The following HERC3 variants were observed in gnomAD, a reference collection of about 807,000 sequenced individuals.
The protein encoded by HERC3 is probable E3 ubiquitin-protein ligase HERC3.
HERC3 carries 58 observed loss-of-function variants against 129.9 expected under a neutral mutation model. The observed-to-expected ratio is 0.45, with a 90% confidence interval of 0.36 to 0.56. HERC3 has a LOEUF of 0.56. Among genes scored for constraint, HERC3 ranks in the 20% least tolerant of loss-of-function variants. The pLI is 0.00. For missense variants in HERC3, 835 were observed against 1,244.2 expected (o/e 0.67, Z 4.95); for synonymous variants, 430 against 451.0 (o/e 0.95, Z 0.59).
the HERC3 span, among the ~76,000 whole-genome samples, chr4:88,584,865 T>G: frequency 1.4e-4 from 22 of 152,330 alleles, no homozygotes; most frequent in South Asian, 2.9e-3. Flanking sequence ...TGTTATCCAG[T>G]TAATTCAAGA....
At chr4:88,544,065 C>T in the HERC3 span, among the ~76,000 whole-genome samples, 1 of 152,182 alleles carries the variant, frequency 6.6e-6, no homozygotes, top group Admixed American at 6.5e-5. Context: ...CCAAAATAGA[C>T]AAATGGGATC....
the HERC3 span, among the ~76,000 whole-genome samples, chr4:88,557,752 T>G: frequency 6.6e-6 from 1 of 152,130 alleles, no homozygotes; most frequent in Non-Finnish European, 1.5e-5. Context: ...AGTATGGAGA[T>G]TTCTTAAAGA....
intron 3 of HERC3, among the ~76,000 whole-genome samples, chr4:88,627,999 A>G (rs1212863770): frequency 2.0e-5 from 3 of 152,000 alleles, no homozygotes; most frequent in African/African-American, 7.3e-5. Context: ...TGCATCAACG[A>G]TCAAAAAGAA....
At chr4:88,699,234 C>T (rs374627104) in intron 23 of HERC3, among the ~76,000 whole-genome samples, 1 of 90,718 alleles carries the variant, frequency 1.1e-5, no homozygotes, top group Non-Finnish European at 2.2e-5. Context: ...CTCTTCTTCC[C>T]CACCCCCTAG....
the HERC3 span, chr4:88,524,796 A>T: frequency 6.6e-6 from 1 of 152,092 alleles, no homozygotes; most frequent in Non-Finnish European, 1.5e-5. Context: ...AAAGATTCTC[A>T]TTAGTCATCC....
At chr4:88,635,008 G>A (rs1302278194) in intron 3 of HERC3, among the ~76,000 whole-genome samples, 3 of 152,056 alleles carry the variant, frequency 2.0e-5, no homozygotes, top group East Asian at 1.9e-4. Flanking sequence ...GGGTTAGCAG[G>A]CTCAAAGATC....
the HERC3 span, among the ~76,000 whole-genome samples, chr4:88,554,387 T>C: frequency 2.7e-5 from 4 of 150,554 alleles, no homozygotes; most frequent in African/African-American, 7.3e-5. Context: ...ATACCAATTA[T>C]AGATTAAGTG....
the HERC3 span, among the ~76,000 whole-genome samples, chr4:88,528,434 A>G: frequency 6.6e-6 from 1 of 152,134 alleles, no homozygotes; most frequent in African/African-American, 2.4e-5. Context: ...ATTTTTTTAG[A>G]CATGAAAGGC....
the HERC3 span, among the ~76,000 whole-genome samples, chr4:88,525,913 C>T: frequency 0.024 from 3,632 of 152,262 alleles, 111 homozygotes; most frequent in African/African-American, 0.075. Flanking sequence ...ACTGACCTTT[C>T]GTGTCACATA....
chr4:88,531,176 A>T, the HERC3 span, among the ~76,000 whole-genome samples: 8 of 151,822 alleles, frequency 5.3e-5, 1 homozygote, highest in East Asian at 3.9e-4. Context: ...ATTTTTAAAA[A>T]TTTTTTAAAT....
intron 19 of HERC3, among the ~76,000 whole-genome samples, chr4:88,678,808 A>G (rs1732439866): frequency 1.3e-5 from 2 of 152,186 alleles, no homozygotes; most frequent in African/African-American, 4.8e-5. Context: ...GATCATCTCC[A>G]TAATATTTTT....
intron 1 of HERC3, among the ~76,000 whole-genome samples, 194 bp from the exon 2 acceptor site, chr4:88,595,363 A>C (rs1722249948): frequency 1.3e-5 from 2 of 152,098 alleles, no homozygotes; most frequent in African/African-American, 4.8e-5. Flanking sequence ...TGTCTTTATA[A>C]CTGGTTAGAG....
Position 88,650,007 on chromosome 4 carries a change from G to C in HERC3, c.386+8G>C. 6.2e-7 allele frequency: 1 copy of C among 1,604,444 alleles called. No individual in the cohort carries two copies. Among genetic ancestry groups the C allele is most frequent in the Non-Finnish European group, 8.5e-7 (1 of 1,173,590 alleles). On this transcript the variant is annotated splice_region_variant and intron_variant, in intron 4 of 25. Coordinates refer to ENST00000402738, the MANE Select transcript of HERC3 (RefSeq NM_014606.3). ...TTCTGTGGCAGTGCCCAGGTAAGAA[G>C]GTTTTCAAATGTCAGTCGTTTTAAA...
At chr4:88,696,928 A>G (rs1734658010) in intron 23 of HERC3, 1 of 369,712 alleles carries the variant, frequency 2.7e-6, no homozygotes, top group East Asian at 4.2e-5. Flanking sequence ...GTAAACCTCA[A>G]TCCTCAGAGA....
chr4:88,690,169 C>T (rs1391235477), intron 23 of HERC3: 10 of 984,942 alleles, frequency 1.0e-5, no homozygotes, highest in Non-Finnish European at 1.2e-5. Flanking sequence ...TCTCTTGGGG[C>T]TAAAAGCAGT....
chr4:88,705,641 A>C (rs1735712661), intron 25 of HERC3, among the ~76,000 whole-genome samples: 1 of 152,256 alleles, frequency 6.6e-6, no homozygotes, highest in South Asian at 2.1e-4. Context: ...TCTAATTTAC[A>C]TGAACAAATT....
the HERC3 span, among the ~76,000 whole-genome samples, chr4:88,530,295 G>GA: frequency 7.9e-4 from 101 of 127,802 alleles, no homozygotes; most frequent in South Asian, 1.5e-3. Context: ...GTCTCCAAAA[G>GA]AAAAAAAAAA....
chr4:88,554,345 C>CAAA, the HERC3 span, among the ~76,000 whole-genome samples: 7,376 of 59,622 alleles, frequency 0.12, 320 homozygotes, highest in East Asian at 0.36. Context: ...ACTCCATCTC[C>CAAA]AAAAAAAAAA....
chr4:88,677,852 A>G lies in HERC3; in HGVS notation c.2026-112A>G, dbSNP rs187271162. The stretch of plus-strand genomic sequence containing the variant: ...TCTGTGGAAGTTAAGAGGGAAAAAA[A>G]TTAACAAAATGGAGATGCAGTCAGC... On this transcript the variant is annotated intron_variant, in intron 18 of 25. Transcript: ENST00000402738. 1.4e-4 allele frequency: 119 copies of G among 880,472 alleles called. No individual in the cohort carries two copies. In the African/African-American group the frequency reaches 1.7e-3, roughly 12 times the overall value. 54.5% of individuals were successfully genotyped at this position (880,472 alleles called of 1,614,324 possible).
Sources: gnomAD v4.1 joint callset for allele counts (sites outside exome capture counted in the v4.1 genomes callset) on GRCh38, gnomAD v4.1.1 for gene constraint, MANE v1.5 for transcripts, NCBI Gene and HGNC (gene_info 2026-07-23, HGNC 2026-07-21) for gene names.